Variants in DNAH9 observed in about 807,000 individuals in gnomAD.
DNAH9 encodes DNAH9 variant protein.
DNAH9 carries 345 observed loss-of-function variants against 471.6 expected under a neutral mutation model. The ratio of observed to expected loss-of-function variants is 0.73; its 90% CI spans 0.67 to 0.80. The LOEUF (loss-of-function observed/expected upper bound fraction) is 0.80, where lower values mean the gene tolerates loss of function less well. Ranked by LOEUF, DNAH9 falls within the 30% of genes least tolerant of loss-of-function variation. The pLI is 0.00. For synonymous variants in DNAH9, 2,093 were observed against 2,123.6 expected, an observed-to-expected ratio of 0.99 and a Z score of 0.40; for missense variants, 5,407 against 5,609.2, an observed-to-expected ratio of 0.96 and a Z score of 1.15.
At chr17:11,682,055 C>T (rs2074141942) in intron 19 of DNAH9, among the ~76,000 whole-genome samples, 1 of 152,082 alleles carries the variant, frequency 6.6e-6, no homozygotes, top group South Asian at 2.1e-4. Context: ...ACTGGTTTGT[C>T]CAGGATCGTT....
intron 1 of DNAH9, among the ~76,000 whole-genome samples, chr17:11,606,036 C>T (rs1202276838): frequency 6.6e-6 from 1 of 152,154 alleles, no homozygotes; most frequent in Admixed American, 6.5e-5. Context: ...CCAGTTCATC[C>T]TCTTTCCCGG....
rs981890501 is a variant in DNAH9 at position 11,761,437 on chromosome 17, G to A, written c.6996-2003G>A. ...CTTTGATAGTTTTTGGGAGCTCCTT[G>A]GCTCCTCCCCATCACTGGAAATCTT... On this transcript the variant is annotated intron_variant, in intron 35 of 68. Transcript: ENST00000262442. Among the ~76,000 whole-genome samples the A allele has an allele frequency of 3.7e-4, 56 of 152,290 alleles. 1 individual carries two copies. The highest frequency in any genetic ancestry group is 3.4e-3 in the Middle Eastern group (1 of 294).
chr17:11,766,177 T>G (rs9896309), intron 36 of DNAH9, among the ~76,000 whole-genome samples: 59,600 of 151,580 alleles, frequency 0.39, 12,887 homozygotes, highest in Admixed American at 0.51. Context: ...GTGCTGTCAA[T>G]AGGAAGGTAG....
At chr17:11,935,008 G>A (rs1041272947) in intron 65 of DNAH9, among the ~76,000 whole-genome samples, 1 of 152,078 alleles carries the variant, frequency 6.6e-6, no homozygotes, top group Non-Finnish European at 1.5e-5. Flanking sequence ...CTGTCACCCA[G>A]GCTGGAATAC....
intron 43 of DNAH9, among the ~76,000 whole-genome samples, chr17:11,805,603 A>G (rs11871478): frequency 0.068 from 8,035 of 118,036 alleles, 289 homozygotes; most frequent in Middle Eastern, 0.11. Flanking sequence ...ACTGGAGTGC[A>G]GTGGAGCGAT....
At chr17:11,843,778 CAGT>C (rs912828498) in intron 49 of DNAH9, among the ~76,000 whole-genome samples, 3 of 147,454 alleles carry the variant, frequency 2.0e-5, no homozygotes, top group Non-Finnish European at 4.5e-5. Context: ...TTCAGTAAAA[CAGT>C]AGGTTTGAAA....
In DNAH9 at chr17:11,784,503, C is replaced by T; in HGVS notation, c.8025C>T (p.Tyr2675=). ...TFLPTGIKFH[Y]IFNLRDFANI... Reference sequence around the variant, plus strand: ...TACCCACAGGAATCAAATTCCACTACATCTTCAACCTCAGAGATTTTGCCA... The same window carrying T: ...TACCCACAGGAATCAAATTCCACTATATCTTCAACCTCAGAGATTTTGCCA... Residue 2675 remains tyrosine (Y), a synonymous_variant, in exon 41 of 69, where the codon TAC becomes TAT. Coordinates refer to ENST00000262442, the MANE Select transcript of DNAH9 (RefSeq NM_001372.4). The T allele has an allele frequency of 1.9e-6, 3 of 1,614,222 alleles. No homozygotes were observed. Among genetic ancestry groups the T allele is most frequent in the South Asian group, 2.2e-5 (2 of 91,086 alleles).
rs2074312694 is a variant in DNAH9 at position 11,690,305 on chromosome 17, G to T, written c.4483G>T (p.Val1495Leu). 1.2e-6 allele frequency: 2 copies of T among 1,614,188 alleles called. No individual in the cohort carries two copies. Among genetic ancestry groups the T allele is most frequent in the East Asian group, 2.2e-5 (1 of 44,886 alleles). The change falls in exon 20 of 69, where the codon GTG becomes TTG. Residue 1495 changes from valine to leucine, a missense_variant. Coordinates refer to ENST00000262442, the MANE Select transcript of DNAH9 (RefSeq NM_001372.4). ...GTATGTTGCTTTCTTCTTGGAGGAG[G>T]TGTCGGGCTGGCAGAAGAAGCTGTC... Reference protein sequence around the residue: ...SKYVAFFLEEVSGWQKKLSTV... With the variant: ...SKYVAFFLEELSGWQKKLSTV...
At chr17:11,953,381 T>C (rs1975476463) in intron 67 of DNAH9, among the ~76,000 whole-genome samples, 2 of 152,210 alleles carry the variant, frequency 1.3e-5, no homozygotes, top group South Asian at 4.1e-4. Context: ...ACCTTGCTTT[T>C]TCCCCTCCTT....
At chr17:11,853,781 GA>G (rs763248888) in intron 49 of DNAH9, among the ~76,000 whole-genome samples, 1 of 152,224 alleles carries the variant, frequency 6.6e-6, no homozygotes, top group Non-Finnish European at 1.5e-5. Context: ...AGTGCTGAAA[GA>G]ACATAGCTGA....
At chr17:11,898,149 G>T (rs111346245) in intron 59 of DNAH9, among the ~76,000 whole-genome samples, 8 of 148,020 alleles carry the variant, frequency 5.4e-5, no homozygotes, top group Non-Finnish European at 8.9e-5. Flanking sequence ...TTTTTGAGGC[G>T]GAGTCTCGCT....
In DNAH9 at chr17:11,777,589, A is replaced by G. The variant is rs191968516; in HGVS notation, c.7553-3420A>G. Among the ~76,000 whole-genome samples, 48 of 152,336 alleles carry G rather than the reference A, an allele frequency of 3.2e-4. No individual in the cohort carries two copies. The East Asian group carries it at 7.5e-3, about 24-fold the overall frequency. On this transcript the variant is annotated intron_variant, in intron 38 of 68. Transcript: ENST00000262442. ...AAGATCAAGCTCATCACAGTTCTGA[A>G]TTCTCTTGCCATTTGCATTATTAGC...
chr17:11,697,059 CG>C (rs1300352517), intron 22 of DNAH9, among the ~76,000 whole-genome samples: 1 of 152,004 alleles, frequency 6.6e-6, no homozygotes, highest in Non-Finnish European at 1.5e-5. Flanking sequence ...TTTGTAGAGA[CG>C]GGGTCTTGCT....
In DNAH9 at chr17:11,652,755, G is replaced by A. The variant is rs755483136; in HGVS notation, c.2354-6G>A. 4.3e-6 allele frequency: 7 copies of A among 1,611,730 alleles called. No homozygotes were observed. The African/African-American group carries it at 9.4e-5, about 22-fold the overall frequency. On this transcript the variant is annotated splice_polypyrimidine_tract_variant and splice_region_variant and intron_variant, in intron 13 of 68. Transcript: ENST00000262442. Reference sequence around the variant, plus strand: ...TTCAATTAATTATGTTTCTTTTGGGGAACAGGCATTTGCGATTATGTCACT... The same window carrying A: ...TTCAATTAATTATGTTTCTTTTGGGAAACAGGCATTTGCGATTATGTCACT...
rs760880268 is a variant in DNAH9 at position 11,781,122 on chromosome 17, G to A, written c.7666G>A (p.Gly2556Arg). ...GAACATGCCTGAGGTGGATGCCTACGGGACGGTGCAGCCCCACACCATCAT... is the reference window on the plus strand; with the variant it reads ...GAACATGCCTGAGGTGGATGCCTACAGGACGGTGCAGCCCCACACCATCAT... ...DMNMPEVDAY[G>R]TVQPHTIIRQ... The change falls in exon 39 of 69, where the codon GGG becomes AGG. Residue 2556 changes from glycine to arginine, a missense_variant. Gly to Arg is a moderately radical substitution (Grantham distance 125). This residue lies in a region of DNAH9 where 4,636 missense variants were observed against 4,900.3 expected (regional missense o/e 0.95). Coordinates refer to ENST00000262442, the MANE Select transcript of DNAH9 (RefSeq NM_001372.4). The A allele has an allele frequency of 5.6e-6, 9 of 1,613,992 alleles. No individual in the cohort carries two copies. The Admixed American group carries it at 6.7e-5, about 12-fold the overall frequency.
intron 3 of DNAH9, among the ~76,000 whole-genome samples, chr17:11,611,317 C>T (rs1011344658): frequency 3.3e-5 from 5 of 152,180 alleles, no homozygotes; most frequent in African/African-American, 1.2e-4. Context: ...ACTGCAAGGC[C>T]CTTCTCTTAG....
chr17:11,704,993 T>G (rs1183612544), intron 25 of DNAH9, 32 bp from the exon 26 acceptor site: 1 of 1,605,418 alleles, frequency 6.2e-7, no homozygotes, highest in East Asian at 2.2e-5. Flanking sequence ...CTGCCTATGA[T>G]TCACCCACCT....
intron 38 of DNAH9, among the ~76,000 whole-genome samples, chr17:11,776,863 A>G (rs950315062): frequency 2.0e-5 from 3 of 152,180 alleles, no homozygotes; most frequent in African/African-American, 4.8e-5. Flanking sequence ...TGACACCTCA[A>G]GCTGAGAGAG....
chr17:11,744,841 G>T lies in DNAH9; in HGVS notation c.6156G>T (p.Val2052=). 6.2e-7 allele frequency: 1 copy of T among 1,614,154 alleles called. No individual in the cohort carries two copies. Among genetic ancestry groups the T allele is most frequent in the Non-Finnish European group, 8.5e-7 (1 of 1,179,994 alleles). ...TACGGGCCATCAAGTCCGTGCTGGTGGTGGCAGGATCCCTGAAGAGAGGAG... is the reference window on the plus strand; with the variant it reads ...TACGGGCCATCAAGTCCGTGCTGGTTGTGGCAGGATCCCTGAAGAGAGGAG... ...WGLRAIKSVL[V]VAGSLKRGDP... is the part of the protein sequence containing the mutation. Residue 2052 remains valine (V), a synonymous_variant, in exon 31 of 69, where the codon GTG becomes GTT. Transcript: ENST00000262442.
Sources: gnomAD v4.1 joint callset for allele counts (sites outside exome capture counted in the v4.1 genomes callset) on GRCh38, gnomAD v4.1.1 for gene constraint, gnomAD v4.1.1 regional missense constraint, MANE v1.5 for transcripts, NCBI Gene and HGNC (gene_info 2026-07-23, HGNC 2026-07-21) for gene names.